The following CTTNBP2 variants were observed in gnomAD, a reference collection of about 807,000 sequenced individuals.
CTTNBP2 encodes the protein cortactin-binding protein 2.
Under a neutral mutation model 156.9 loss-of-function variants are expected in CTTNBP2, and 108 were observed. The observed-to-expected ratio is 0.69, with a 90% CI of 0.59 to 0.81. The LOEUF (loss-of-function observed/expected upper bound fraction) is 0.81, where lower values mean the gene tolerates loss of function less well. Among genes scored for constraint, CTTNBP2 ranks in the 30% least tolerant of loss-of-function variants. The probability of loss-of-function intolerance (pLI) is 0.00; values close to 1 mark genes in which losing one functional copy is unlikely to be tolerated. For synonymous variants in CTTNBP2, 767 were observed against 751.8 expected, an observed-to-expected ratio of 1.02 and a Z score of -0.33; for missense variants, 1,924 against 2,035.4, an observed-to-expected ratio of 0.95 and a Z score of 1.05.
chr7:117,802,759 G>A (rs575473450), intron 3 of CTTNBP2, among the ~76,000 whole-genome samples: 3 of 152,186 alleles, frequency 2.0e-5, no homozygotes, highest in South Asian at 4.2e-4. Flanking sequence ...GAAGATATAC[G>A]AGTAGTCAAC....
chr7:117,832,626 C>T (rs34832486), intron 2 of CTTNBP2, among the ~76,000 whole-genome samples: 3,084 of 151,718 alleles, frequency 0.02, 115 homozygotes, highest in African/African-American at 0.07. Context: ...ATTCTTGATG[C>T]TCTACTATCT....
At chr7:117,819,379 A>T (rs201627208) in intron 2 of CTTNBP2, among the ~76,000 whole-genome samples, 13,579 of 82,148 alleles carry the variant, frequency 0.17, 1,824 homozygotes, top group African/African-American at 0.38. Context: ...ACACACACAC[A>T]CACACACACA....
At position 117,790,754 on chromosome 7, in the gene CTTNBP2, G is replaced by T. The variant is rs538242633; in HGVS notation, c.2068+374C>A. On this transcript the variant is annotated intron_variant, in intron 4 of 22. Transcript: ENST00000160373. ...TCTCAGAAGGAACAGAATTGAACAC[G>T]TACTGTCTGATCATGACCCACTGAG... Among the ~76,000 whole-genome samples the T allele has an allele frequency of 2.0e-5, 3 of 152,214 alleles. No homozygotes were observed. The South Asian group carries it at 6.2e-4, about 32-fold the overall frequency.
At chr7:117,745,793 T>C (rs892828834) in intron 14 of CTTNBP2, 38 bp downstream of exon 14, 1 of 1,367,158 alleles carries the variant, frequency 7.3e-7, no homozygotes, top group East Asian at 2.3e-5. Context: ...AGAGCATGCC[T>C]TTAGGTTATC....
At chr7:117,805,232 A>T (rs1227127578) in intron 3 of CTTNBP2, among the ~76,000 whole-genome samples, 1 of 152,162 alleles carries the variant, frequency 6.6e-6, no homozygotes, top group Non-Finnish European at 1.5e-5. Context: ...TGTGTCTCTC[A>T]ATCTTAAATG....
chr7:117,775,855 C>T (rs763479669), intron 8 of CTTNBP2, among the ~76,000 whole-genome samples: 3 of 152,082 alleles, frequency 2.0e-5, no homozygotes, highest in Non-Finnish European at 4.4e-5. Flanking sequence ...AAATCAAGTT[C>T]CCAGAATTTT....
At chr7:117,819,767 T>C (rs542152524) in intron 2 of CTTNBP2, among the ~76,000 whole-genome samples, 2 of 152,264 alleles carry the variant, frequency 1.3e-5, no homozygotes, top group African/African-American at 4.8e-5. Flanking sequence ...CCAACCTATC[T>C]GCCACCTACA....
chr7:117,749,251 A>C (rs1257023982), intron 12 of CTTNBP2, among the ~76,000 whole-genome samples: 1 of 152,212 alleles, frequency 6.6e-6, no homozygotes, highest in Non-Finnish European at 1.5e-5. Flanking sequence ...AGAATTTTGC[A>C]GGAAACCAGG....
At chr7:117,758,339 C>T (rs1797002222) in intron 10 of CTTNBP2, among the ~76,000 whole-genome samples, 1 of 151,990 alleles carries the variant, frequency 6.6e-6, no homozygotes, top group East Asian at 1.9e-4. Context: ...AAAGCCTGAG[C>T]ACTTTGGGTG....
At chr7:117,850,913 C>T (rs985904466) in intron 2 of CTTNBP2, among the ~76,000 whole-genome samples, 2 of 152,144 alleles carry the variant, frequency 1.3e-5, no homozygotes, top group Admixed American at 6.6e-5. Context: ...TAAATATACA[C>T]TGAGAAAATA....
In CTTNBP2 at chr7:117,770,935, C is replaced by T. The variant is rs192077669; in HGVS notation, c.2779-3759G>A. On this transcript the variant is annotated intron_variant, in intron 8 of 22. Transcript: ENST00000160373. ...TAGATGGATGAGTTTAAGCTAAATTCCTATTAGGATATAGAGACATCTGCT... is the reference window on the plus strand; with the variant it reads ...TAGATGGATGAGTTTAAGCTAAATTTCTATTAGGATATAGAGACATCTGCT... 1.6e-4 allele frequency among the ~76,000 whole-genome samples: 25 copies of T among 152,266 alleles called. No individual in the cohort carries two copies. In the East Asian group the frequency reaches 3.7e-3, roughly 22 times the overall value.
intron 2 of CTTNBP2, among the ~76,000 whole-genome samples, chr7:117,844,199 C>T (rs1452635520): frequency 2.0e-5 from 3 of 152,200 alleles, no homozygotes; most frequent in African/African-American, 4.8e-5. Context: ...GAAATGGATC[C>T]TCCCATGGAA....
At chr7:117,840,237 A>G (rs1346417875) in intron 2 of CTTNBP2, among the ~76,000 whole-genome samples, 1 of 152,212 alleles carries the variant, frequency 6.6e-6, no homozygotes, top group African/African-American at 2.4e-5. Flanking sequence ...CTTTTGTGGA[A>G]AAGCAGGACA....
intron 18 of CTTNBP2, 33 bp from the exon 19 acceptor site, chr7:117,724,765 C>G: frequency 6.2e-7 from 1 of 1,606,254 alleles, no homozygotes; most frequent in Non-Finnish European, 8.5e-7. Flanking sequence ...AGGGATAATG[C>G]AGTTTCACTG....
chr7:117,773,877 G>A (rs1797950476), intron 8 of CTTNBP2, among the ~76,000 whole-genome samples: 1 of 152,064 alleles, frequency 6.6e-6, no homozygotes. Flanking sequence ...GTGACAGGAA[G>A]CCACTGGCTT....
chr7:117,738,161 C>A (rs1038611411), intron 14 of CTTNBP2, among the ~76,000 whole-genome samples: 4 of 152,164 alleles, frequency 2.6e-5, no homozygotes, highest in African/African-American at 9.7e-5. Flanking sequence ...TGATTCTCAG[C>A]GCTTCTGATT....
intron 2 of CTTNBP2, among the ~76,000 whole-genome samples, chr7:117,844,205 T>C (rs1245221779): frequency 6.6e-6 from 1 of 152,148 alleles, no homozygotes; most frequent in South Asian, 2.1e-4. Context: ...GATCCTCCCA[T>C]GGAACCTCCA....
At chr7:117,802,489 A>T (rs60343785) in intron 3 of CTTNBP2, among the ~76,000 whole-genome samples, 3,617 of 151,434 alleles carry the variant, frequency 0.024, 150 homozygotes, top group African/African-American at 0.082. Flanking sequence ...ACAAAAAAAA[A>T]GTTATGGCTA....
chr7:117,777,431 G>A, intron 8 of CTTNBP2, 80 bp downstream of exon 8: 5 of 1,393,172 alleles, frequency 3.6e-6, no homozygotes, highest in Non-Finnish European at 4.9e-6. Context: ...TTCAATTTAA[G>A]TGCACTTAAT....
Sources: gnomAD v4.1 joint callset for allele counts (sites outside exome capture counted in the v4.1 genomes callset) on GRCh38, gnomAD v4.1.1 for gene constraint, MANE v1.5 for transcripts, NCBI Gene and HGNC (gene_info 2026-07-23, HGNC 2026-07-21) for gene names.